RTN1: variants seen among roughly 807,000 people sequenced by gnomAD.
The protein encoded by RTN1 is reticulon-1.
RTN1 carries 25 observed loss-of-function variants against 65.5 expected under a neutral mutation model. That is an observed-to-expected ratio of 0.38 (90% CI 0.28 to 0.53). The LOEUF (loss-of-function observed/expected upper bound fraction) is 0.53, where lower values mean the gene tolerates loss of function less well. Among genes scored for constraint, RTN1 ranks in the 20% least tolerant of loss-of-function variants. RTN1 has a pLI of 0.79. For missense variants in RTN1, 983 were observed against 1,025.4 expected, an observed-to-expected ratio of 0.96 and a Z score of 0.57; for synonymous variants, 471 against 447.6, an observed-to-expected ratio of 1.05 and a Z score of -0.66.
chr14:59,850,560 G>A (rs1887486429), intron 1 of RTN1, among the ~76,000 whole-genome samples: 1 of 152,204 alleles, frequency 6.6e-6, no homozygotes, highest in South Asian at 2.1e-4. Flanking sequence ...AAGCCAGGGA[G>A]TATAATAAAG....
chr14:59,656,534 A>T (rs1883126362), intron 3 of RTN1, among the ~76,000 whole-genome samples: 1 of 152,168 alleles, frequency 6.6e-6, no homozygotes, highest in Admixed American at 6.5e-5. Flanking sequence ...CATACAGGTT[A>T]ATGGAACAGA....
intron 1 of RTN1, among the ~76,000 whole-genome samples, chr14:59,841,421 TGTG>T (rs1887309508): frequency 6.6e-6 from 1 of 151,982 alleles, no homozygotes; most frequent in African/African-American, 2.4e-5. Context: ...ACTCGCCAGG[TGTG>T]GTGGCTTACA....
intron 3 of RTN1, among the ~76,000 whole-genome samples, chr14:59,654,352 C>T (rs539344596): frequency 2.0e-4 from 30 of 150,262 alleles, no homozygotes; most frequent in African/African-American, 5.9e-4. Flanking sequence ...TGTTTGAACC[C>T]GGGCAGGGGA....
chr14:59,676,628 A>T (rs185538696), intron 3 of RTN1, among the ~76,000 whole-genome samples: 1 of 151,572 alleles, frequency 6.6e-6, no homozygotes, highest in Non-Finnish European at 1.5e-5. Flanking sequence ...TGAAAGGTGG[A>T]AGTAAAAAGA....
intron 2 of RTN1, among the ~76,000 whole-genome samples, chr14:59,741,308 T>A (rs1885112097): frequency 6.6e-6 from 1 of 152,188 alleles, no homozygotes; most frequent in South Asian, 2.1e-4. Context: ...CTCCATTCAG[T>A]CTCTGCTCAA....
intron 2 of RTN1, among the ~76,000 whole-genome samples, chr14:59,744,555 C>T (rs1695646983): frequency 1.3e-5 from 2 of 152,168 alleles, no homozygotes; most frequent in Admixed American, 1.3e-4. Flanking sequence ...AGACCATAGC[C>T]TAATGAAGTC....
chr14:59,767,156 G>T (rs1056197176), intron 1 of RTN1, among the ~76,000 whole-genome samples: 14 of 152,156 alleles, frequency 9.2e-5, no homozygotes, highest in Non-Finnish European at 1.3e-4. Context: ...CCCTGCCAAG[G>T]AATTTTAGCA....
rs964378279 is a variant in RTN1 at position 59,790,121 on chromosome 14, C to G, written c.242-43640G>C. Among the ~76,000 whole-genome samples, 3 of 151,948 alleles carry G rather than the reference C, an allele frequency of 2.0e-5. No individual in the cohort carries two copies. Among genetic ancestry groups the G allele is most frequent in the African/African-American group, 7.3e-5 (3 of 41,360 alleles). On this transcript the variant is annotated intron_variant, in intron 1 of 8. Transcript: ENST00000267484. The surrounding 1 kb of genome is among the most constrained non-coding windows in gnomAD (Gnocchi z 4.1). ...TAGGAGAAGATAGGCATGAAGAAAA[C>G]CTGAAATAATGACTTAGAAGAAAGG...
At chr14:59,748,048 A>G (rs1311320599) in intron 1 of RTN1, among the ~76,000 whole-genome samples, 1 of 152,142 alleles carries the variant, frequency 6.6e-6, no homozygotes, top group Non-Finnish European at 1.5e-5. Context: ...CAATATTGTT[A>G]GGCTCATTTT....
At position 59,816,154 on chromosome 14, in the gene RTN1, T is replaced by C. The variant is rs1292714086; in HGVS notation, c.241+54236A>G. Among the ~76,000 whole-genome samples the C allele has an allele frequency of 1.3e-5, 2 of 152,168 alleles. No homozygotes were observed. The highest frequency in any genetic ancestry group is 2.4e-5 in the African/African-American group (1 of 41,428). ...TTATGTCCTGTTTCTTTTATAATTA[T>C]CTTTACTGCTACATGCATACTTTTA... On this transcript the variant is annotated intron_variant, in intron 1 of 8. Transcript: ENST00000267484. This position sits in a 1 kb window ranked among gnomAD's most constrained non-coding sequence, Gnocchi z 4.3.
intron 3 of RTN1, among the ~76,000 whole-genome samples, chr14:59,672,249 G>A (rs914018151): frequency 1.3e-5 from 2 of 152,148 alleles, no homozygotes; most frequent in African/African-American, 4.8e-5. Flanking sequence ...AATTATGGTG[G>A]TCAGTAAATA....
intron 2 of RTN1, among the ~76,000 whole-genome samples, chr14:59,728,033 T>C (rs1258863373): frequency 6.6e-6 from 1 of 152,218 alleles, no homozygotes; most frequent in Non-Finnish European, 1.5e-5. Context: ...TGATTCATTC[T>C]CTCAGGGAAC....
At chr14:59,736,289 T>C (rs1431338729) in intron 2 of RTN1, among the ~76,000 whole-genome samples, 1 of 151,894 alleles carries the variant, frequency 6.6e-6, no homozygotes, top group Non-Finnish European at 1.5e-5. Context: ...GCTAGACTAA[T>C]ACAGAAGAAA....
rs71111662 is a variant in RTN1 at position 59,672,625 on chromosome 14, C to CTTTTTT, written c.1765+54288_1765+54293dup. Among the ~76,000 whole-genome samples the CTTTTTT allele has an allele frequency of 5.6e-4, 44 of 79,100 alleles. 3 individuals carry two copies. The highest frequency in any genetic ancestry group is 1.3e-3 in the African/African-American group (31 of 23,774). The allele number at this position is 79,100 out of a possible 152,430, so 51.9% of individuals were successfully genotyped here. A position where few individuals can be genotyped will look rare whatever the true frequency, so the allele number is the denominator to read the frequency against. Reference sequence around the variant, plus strand: ...TTGAATGAATGAATACAAGATATTTCTTTTTTTTTTTTTTTTTTTTTTTTT... The same window carrying CTTTTTT: ...TTGAATGAATGAATACAAGATATTTCTTTTTTTTTTTTTTTTTTTTTTTTTTTTTTT... On this transcript the variant is annotated intron_variant, in intron 3 of 8. Transcript: ENST00000267484.
rs1019041691 is a variant in RTN1, at chr14:59,816,181, A to G, written c.241+54209T>C. On this transcript the variant is annotated intron_variant, in intron 1 of 8. Transcript: ENST00000267484. The surrounding 1 kb of genome is among the most constrained non-coding windows in gnomAD (Gnocchi z 4.3). ...TTTACTGCTACATGCATACTTTTAG[A>G]GACTAAAGTATGCACACACACACAC... 6.6e-6 allele frequency among the ~76,000 whole-genome samples: 1 copy of G among 152,156 alleles called. No individual in the cohort carries two copies. Among genetic ancestry groups the G allele is most frequent in the Admixed American group, 6.5e-5 (1 of 15,278 alleles).
intron 3 of RTN1, among the ~76,000 whole-genome samples, chr14:59,627,760 T>C (rs1348315521): frequency 6.6e-6 from 1 of 152,210 alleles, no homozygotes; most frequent in African/African-American, 2.4e-5. Context: ...CTACAGTGTT[T>C]ATGGCACACT....
At chr14:59,667,498 A>G (rs1264386514) in intron 3 of RTN1, among the ~76,000 whole-genome samples, 1 of 152,160 alleles carries the variant, frequency 6.6e-6, no homozygotes, top group African/African-American at 2.4e-5. Flanking sequence ...CCCATAGCCA[A>G]TATCTTACTG....
chr14:59,719,993 G>A (rs370026850), intron 3 of RTN1, among the ~76,000 whole-genome samples: 34 of 152,220 alleles, frequency 2.2e-4, no homozygotes, highest in African/African-American at 7.5e-4. Flanking sequence ...AGGTTGACTC[G>A]ATTCCATTTC....
chr14:59,792,971 A>G (rs1886377118), intron 1 of RTN1, among the ~76,000 whole-genome samples: 1 of 152,194 alleles, frequency 6.6e-6, no homozygotes, highest in African/African-American at 2.4e-5. Context: ...GCAAGGTAAT[A>G]CAACAATGAA....
Sources: gnomAD v4.1 joint callset for allele counts (sites outside exome capture counted in the v4.1 genomes callset) on GRCh38, gnomAD v4.1.1 for gene constraint, Gnocchi (gnomAD v3.1) non-coding constraint, MANE v1.5 for transcripts, NCBI Gene and HGNC (gene_info 2026-07-23, HGNC 2026-07-21) for gene names.